MFSD11: variants seen among roughly 807,000 people sequenced by gnomAD.
The protein encoded by MFSD11 is UNC93-like protein MFSD11.
In MFSD11, 36 loss-of-function variants were observed where a neutral mutation model predicts 53.5. That is an observed-to-expected ratio of 0.67 (90% confidence interval 0.52 to 0.89). The LOEUF (loss-of-function observed/expected upper bound fraction) is 0.89, where lower values mean the gene tolerates loss of function less well. MFSD11 is among the 40% of genes least tolerant of loss of function. MFSD11 has a pLI of 0.00. For missense variants in MFSD11, 530 were observed against 543.9 expected, an observed-to-expected ratio of 0.97 and a Z score of 0.25; for synonymous variants, 186 against 184.9, an observed-to-expected ratio of 1.01 and a Z score of -0.05.
At chr17:76,756,159 G>A (rs1289574128) in intron 8 of MFSD11, among the ~76,000 whole-genome samples, 1 of 133,562 alleles carries the variant, frequency 7.5e-6, no homozygotes, top group East Asian at 2.2e-4. Flanking sequence ...GTCATGCTCT[G>A]TTGCCCAGGC....
rs1377058548 is a variant in MFSD11 at position 76,779,303 on chromosome 17, A to T, written c.*951A>T. On this transcript the variant is annotated 3_prime_UTR_variant, in exon 13 of 13. Coordinates refer to ENST00000685175, the MANE Select transcript of MFSD11 (RefSeq NM_001242532.5). ...AAGAAAATAATAATGATAATTTTTT[A>T]AAATAATGAAAAATAAATAACAAGA... The T allele has an allele frequency of 6.6e-6, 1 of 150,762 alleles. No individual in the cohort carries two copies. The highest frequency in any genetic ancestry group is 1.5e-5 in the Non-Finnish European group (1 of 67,796). 9.3% of individuals were successfully genotyped at this position (150,762 alleles called of 1,614,324 possible). A position where few individuals can be genotyped will look rare whatever the true frequency, so the allele number is the denominator to read the frequency against.
intron 8 of MFSD11, among the ~76,000 whole-genome samples, chr17:76,764,390 T>G (rs1198401496): frequency 1.3e-5 from 2 of 152,192 alleles, no homozygotes; most frequent in Admixed American, 6.5e-5. Flanking sequence ...TTGTACTCTT[T>G]AACCAACGTC....
chr17:76,744,652 G>A (rs182763619), intron 7 of MFSD11, among the ~76,000 whole-genome samples, 186 bp downstream of exon 7: 7 of 152,324 alleles, frequency 4.6e-5, no homozygotes, highest in African/African-American at 1.7e-4. Context: ...CCAGAGGAAG[G>A]GAGGTGGTGA....
the MFSD11 span, among the ~76,000 whole-genome samples, chr17:76,798,185 G>A: frequency 1.3e-5 from 2 of 152,038 alleles, no homozygotes; most frequent in Non-Finnish European, 2.9e-5. Context: ...ACCATGCCTG[G>A]CCCAGGAAAA....
chr17:76,742,032 TG>T lies in MFSD11; in HGVS notation c.326del (p.Gly109GlufsTer15). 6.2e-7 allele frequency: 1 copy of T among 1,614,200 alleles called. No homozygotes were observed. Among genetic ancestry groups the T allele is most frequent in the Non-Finnish European group, 8.5e-7 (1 of 1,180,040 alleles). On this transcript the variant is annotated frameshift_variant, in exon 4 of 13. Coordinates refer to ENST00000685175, the MANE Select transcript of MFSD11 (RefSeq NM_001242532.5). LOFTEE classifies it high-confidence loss of function. ...WSFYTASVFI[G>X]IAAAVLWTAQ... ...CCTTCTACACAGCCTCTGTTTTCAT[TG>T]GAATTGCTGCTGCTGGTAAGCATTT... is the stretch of plus-strand genomic sequence containing the variant.
At position 76,740,940 on chromosome 17, in the gene MFSD11, G is replaced by C; in HGVS notation, c.153-17G>C. The stretch of plus-strand genomic sequence containing the variant: ...TTCTTTTTTTTTTTTTTTTCCGTTT[G>C]TGTATTATGTGTGCAGCATGGCTAT... On this transcript the variant is annotated splice_polypyrimidine_tract_variant and intron_variant, in intron 2 of 12. Coordinates refer to ENST00000685175, the MANE Select transcript of MFSD11 (RefSeq NM_001242532.5). 1 of 1,076,370 alleles carries C rather than the reference G, an allele frequency of 9.3e-7. No individual in the cohort carries two copies. Among genetic ancestry groups the C allele is most frequent in the Admixed American group, 2.4e-5 (1 of 41,698 alleles). 66.7% of individuals were successfully genotyped at this position (1,076,370 alleles called of 1,614,324 possible).
At chr17:76,783,841 G>T (rs946941945), downstream of MFSD11, among the ~76,000 whole-genome samples, 4 of 152,068 alleles carry the variant, frequency 2.6e-5, no homozygotes, top group Non-Finnish European at 4.4e-5. Context: ...TGGGATTACA[G>T]GCATGAGCCC....
the MFSD11 span, among the ~76,000 whole-genome samples, chr17:76,796,615 C>T: frequency 3.3e-5 from 5 of 152,106 alleles, no homozygotes; most frequent in African/African-American, 1.2e-4. Context: ...TCCCACAAGA[C>T]TACCATTACC....
chr17:76,793,759 A>T, the MFSD11 span, among the ~76,000 whole-genome samples: 1 of 151,616 alleles, frequency 6.6e-6, no homozygotes, highest in Non-Finnish European at 1.5e-5. Context: ...GGGATCTAAT[A>T]AATGTCCATG....
chr17:76,790,700 A>G, the MFSD11 span, among the ~76,000 whole-genome samples: 5 of 146,514 alleles, frequency 3.4e-5, no homozygotes, highest in Admixed American at 6.8e-5. Context: ...GCTCACGCCT[A>G]TAATCCTAGC....
chr17:76,784,376 G>A (rs113482831), downstream of MFSD11, among the ~76,000 whole-genome samples: 13,919 of 151,732 alleles, frequency 0.092, 2,113 homozygotes, highest in African/African-American at 0.32. Context: ...TCTACTAAAA[G>A]TACAAAAATT....
downstream of MFSD11, among the ~76,000 whole-genome samples, chr17:76,784,682 G>A (rs1195572345): frequency 1.3e-5 from 2 of 152,102 alleles, no homozygotes; most frequent in African/African-American, 4.8e-5. Context: ...ATCACTTGAG[G>A]TCAGGAGTTC....
At chr17:76,740,311 A>C (rs1230211223) in intron 2 of MFSD11, among the ~76,000 whole-genome samples, 1 of 152,242 alleles carries the variant, frequency 6.6e-6, no homozygotes, top group Non-Finnish European at 1.5e-5. Context: ...AATGGTTTTA[A>C]CCACACTTCG....
chr17:76,776,444 T>TA lies in MFSD11; in HGVS notation c.1088_1089insA (p.Gly364TrpfsTer6). ...ATTCTCTGCAGTTTTCTGTTGGGCC[T>TA]TGGAGACAGCTGCTTTAATACCCAG... is the stretch of plus-strand genomic sequence containing the variant. On this transcript the variant is annotated frameshift_variant, in exon 12 of 13. Transcript: ENST00000685175. LOFTEE classifies it high-confidence loss of function. The surrounding 1 kb of genome is among the most constrained non-coding windows in gnomAD (Gnocchi z 4.2). 1.2e-6 allele frequency: 2 copies of TA among 1,614,128 alleles called. No homozygotes were observed. The highest frequency in any genetic ancestry group is 1.7e-6 in the Non-Finnish European group (2 of 1,180,014).
At chr17:76,755,812 ATTTTTT>A (rs552254902) in intron 8 of MFSD11, among the ~76,000 whole-genome samples, 27 of 19,500 alleles carry the variant, frequency 1.4e-3, no homozygotes, top group Admixed American at 7.0e-3. Flanking sequence ...ATATATATAT[ATTTTTT>A]TTTTTTTTTT....
the MFSD11 span, among the ~76,000 whole-genome samples, chr17:76,792,962 A>T: frequency 6.6e-6 from 1 of 151,506 alleles, no homozygotes; most frequent in Admixed American, 6.6e-5. Context: ...GCAAGTTTTT[A>T]TTAGTGATTT....
At chr17:76,736,667 G>A (rs910340182), upstream of MFSD11, 181 of 1,217,360 alleles carry the variant, frequency 1.5e-4, 1 homozygote, top group Admixed American at 3.6e-3. Flanking sequence ...TGGCCGGAGG[G>A]TCGCGAGACG....
At chr17:76,755,716 A>G (rs1183533475) in intron 8 of MFSD11, among the ~76,000 whole-genome samples, 5 of 138,444 alleles carry the variant, frequency 3.6e-5, no homozygotes, top group Admixed American at 7.4e-5. Context: ...ATATGTGTAT[A>G]TATATGTGTA....
At chr17:76,774,265 T>C (rs969756365) in intron 10 of MFSD11, among the ~76,000 whole-genome samples, 2 of 152,094 alleles carry the variant, frequency 1.3e-5, no homozygotes, top group African/African-American at 4.8e-5. Context: ...TTCTTTCTTT[T>C]TTTAAAAAAG....
Sources: allele counts gnomAD v4.1 joint callset (sites outside exome capture counted in the v4.1 genomes callset), GRCh38; gene constraint gnomAD v4.1.1; non-coding constraint Gnocchi (gnomAD v3.1); transcripts MANE v1.5; gene names NCBI Gene and HGNC (gene_info 2026-07-23, HGNC 2026-07-21).